The following CDC42BPA variants were observed in gnomAD, a reference collection of about 807,000 sequenced individuals.
CDC42BPA encodes CDC42 binding protein kinase alpha, also known as serine/threonine-protein kinase MRCK alpha.
In CDC42BPA, 80 loss-of-function variants were observed where a neutral mutation model predicts 223.5. The ratio of observed to expected loss-of-function variants is 0.36; its 90% CI spans 0.30 to 0.43. The LOEUF (loss-of-function observed/expected upper bound fraction) is 0.43. Among genes scored for constraint, CDC42BPA ranks in the 20% least tolerant of loss-of-function variants. CDC42BPA has a pLI of 1.00. For synonymous variants in CDC42BPA, 694 were observed against 718.6 expected (o/e 0.97, Z 0.55); for missense variants, 1,743 against 2,099.9 (o/e 0.83, Z 3.32).
chr1:227,238,309 G>C (rs1163490539), intron 2 of CDC42BPA, among the ~76,000 whole-genome samples: 1 of 151,582 alleles, frequency 6.6e-6, no homozygotes, highest in Non-Finnish European at 1.5e-5. Flanking sequence ...AGTGAGCTAT[G>C]ATGGCACCAC....
In CDC42BPA at chr1:226,992,543, C is replaced by T. The variant is rs1464015848; in HGVS notation, c.*1725G>A. 1 of 152,310 alleles carries T rather than the reference C, an allele frequency of 6.6e-6. No homozygotes were observed. The highest frequency in any genetic ancestry group is 2.4e-5 in the African/African-American group (1 of 41,452). 9.4% of individuals were successfully genotyped at this position (152,310 alleles called of 1,614,324 possible). ...GCCACCTCAGTGACACGCAGGTCACCTCAGTGACACAGACGTGGAGTCACA... is the reference window on the plus strand; with the variant it reads ...GCCACCTCAGTGACACGCAGGTCACTTCAGTGACACAGACGTGGAGTCACA... On this transcript the variant is annotated 3_prime_UTR_variant, in exon 37 of 37. Coordinates refer to ENST00000366766, the MANE Select transcript of CDC42BPA (RefSeq NM_001394014.1).
intron 34 of CDC42BPA, chr1:227,011,044 G>T: frequency 2.2e-6 from 3 of 1,350,056 alleles, no homozygotes; most frequent in Non-Finnish European, 3.0e-6. Flanking sequence ...ATGATGAGGG[G>T]ATGGATAAGG....
At chr1:227,188,883 T>TCACC in intron 5 of CDC42BPA, among the ~76,000 whole-genome samples, 1 of 152,104 alleles carries the variant, frequency 6.6e-6, no homozygotes, top group Admixed American at 6.6e-5. Context: ...GTCATTGATG[T>TCACC]TAACAAATGT....
At chr1:227,179,662 C>CAAAAAAAAAA (rs1667605977) in intron 5 of CDC42BPA, among the ~76,000 whole-genome samples, 6 of 45,944 alleles carry the variant, frequency 1.3e-4, no homozygotes, top group Non-Finnish European at 2.1e-4. Flanking sequence ...AAAAAAAAAG[C>CAAAAAAAAAA]TATTTTAAAA....
At chr1:227,201,087 T>C (rs1671670159) in intron 3 of CDC42BPA, among the ~76,000 whole-genome samples, 1 of 152,220 alleles carries the variant, frequency 6.6e-6, no homozygotes. Flanking sequence ...ACACTTCCAC[T>C]ACTATAAAAG....
At chr1:227,184,792 T>A (rs1668487086) in intron 5 of CDC42BPA, among the ~76,000 whole-genome samples, 2 of 152,280 alleles carry the variant, frequency 1.3e-5, no homozygotes, top group African/African-American at 4.8e-5. Context: ...AAAGACTAAG[T>A]CTGTAGATCA....
chr1:227,002,375 A>T (rs756651810), intron 35 of CDC42BPA, among the ~76,000 whole-genome samples: 3 of 152,262 alleles, frequency 2.0e-5, no homozygotes, highest in Non-Finnish European at 2.9e-5. Context: ...CATTGTGGTC[A>T]GGGCTACATA....
chr1:227,035,552 T>C lies in CDC42BPA; in HGVS notation c.3255A>G (p.Pro1085=). 1 of 1,610,936 alleles carries C rather than the reference T, an allele frequency of 6.2e-7. No homozygotes were observed. The highest frequency in any genetic ancestry group is 1.1e-5 in the South Asian group (1 of 90,390). ...GACCTTTTGTCTGTTCAGGAGGAAC[T>C]GGACAAGTGGTTGGAGCTTTGTTTA... ...TCVNKAPTTC[P]VPPEQTKGPL... is the part of the protein sequence containing the mutation. The change falls in exon 25 of 37, where the codon CCA becomes CCG. Residue 1085 remains proline (P), a synonymous_variant. Coordinates refer to ENST00000366766, the MANE Select transcript of CDC42BPA (RefSeq NM_001394014.1).
chr1:227,308,508 TCA>T (rs1491515158), intron 1 of CDC42BPA, among the ~76,000 whole-genome samples: 1 of 45,408 alleles, frequency 2.2e-5, no homozygotes. Flanking sequence ...AGACTGTATC[TCA>T]AAAAAAAAAA....
chr1:227,038,977 A>C (rs1670849041), intron 24 of CDC42BPA, among the ~76,000 whole-genome samples: 1 of 152,172 alleles, frequency 6.6e-6, no homozygotes, highest in South Asian at 2.1e-4. Context: ...AATATAGCCA[A>C]AGCTTTAGCA....
chr1:227,255,531 T>C (rs2718210), intron 1 of CDC42BPA, among the ~76,000 whole-genome samples: 46,790 of 152,002 alleles, frequency 0.31, 7,375 homozygotes, highest in East Asian at 0.37. Context: ...CATATGCCTG[T>C]AGTCCTTAGC....
chr1:227,151,168 C>A (rs1283533760), intron 6 of CDC42BPA, among the ~76,000 whole-genome samples: 1 of 152,110 alleles, frequency 6.6e-6, no homozygotes, highest in Non-Finnish European at 1.5e-5. Context: ...ATTTCCCCTT[C>A]CCCTAGACCC....
At chr1:227,193,690 C>A in intron 5 of CDC42BPA, 96 bp downstream of exon 5, 1 of 1,031,568 alleles carries the variant, frequency 9.7e-7, no homozygotes, top group Non-Finnish European at 1.4e-6. Context: ...ATAAATGTAT[C>A]CAAGACCATA....
At chr1:227,073,841 G>A (rs1678926487) in intron 19 of CDC42BPA, 23 bp downstream of exon 19, 1 of 1,475,202 alleles carries the variant, frequency 6.8e-7, no homozygotes, top group East Asian at 2.5e-5. Context: ...TTATTCTAGT[G>A]GGACTATATG....
At chr1:227,279,458 T>C (rs1236808568) in intron 1 of CDC42BPA, among the ~76,000 whole-genome samples, 3 of 152,060 alleles carry the variant, frequency 2.0e-5, no homozygotes, top group Admixed American at 1.3e-4. Context: ...AAAGTTAAAA[T>C]AGCATGGAAA....
intron 21 of CDC42BPA, among the ~76,000 whole-genome samples, chr1:227,056,046 G>A (rs1188813481): frequency 6.6e-6 from 1 of 151,948 alleles, no homozygotes; most frequent in Non-Finnish European, 1.5e-5. Flanking sequence ...CATTTAAAAA[G>A]GTCCCCCCGC....
chr1:227,266,522 T>A (rs1050620228), intron 1 of CDC42BPA, among the ~76,000 whole-genome samples: 5 of 152,222 alleles, frequency 3.3e-5, no homozygotes, highest in Non-Finnish European at 4.4e-5. Context: ...TGTATTGTTA[T>A]GGCCAAGCAA....
chr1:227,098,623 C>A (rs1319764516), intron 15 of CDC42BPA, among the ~76,000 whole-genome samples: 1 of 151,990 alleles, frequency 6.6e-6, no homozygotes, highest in Non-Finnish European at 1.5e-5. Flanking sequence ...TCCTTTTTCT[C>A]CCTCATCCCA....
intron 2 of CDC42BPA, among the ~76,000 whole-genome samples, chr1:227,251,194 G>A (rs1255073557): frequency 6.6e-6 from 1 of 151,838 alleles, no homozygotes; most frequent in African/African-American, 2.4e-5. Context: ...ATATGTTGGG[G>A]TTTCAAATAT....
Sources: gnomAD v4.1 joint callset for allele counts (sites outside exome capture counted in the v4.1 genomes callset) on GRCh38, gnomAD v4.1.1 for gene constraint, MANE v1.5 for transcripts, NCBI Gene and HGNC (gene_info 2026-07-23, HGNC 2026-07-21) for gene names.